The following SSPN variants were observed in gnomAD, a reference collection of about 807,000 sequenced individuals.
The protein encoded by SSPN is sarcospan.
A neutral mutation model predicts 19.1 loss-of-function variants in SSPN; 15 were observed. The ratio of observed to expected loss-of-function variants is 0.78; its 90% CI spans 0.52 to 1.21. The LOEUF (loss-of-function observed/expected upper bound fraction) is 1.21, where lower values mean the gene tolerates loss of function less well. SSPN is among the 50% of genes most tolerant of loss of function. The probability of loss-of-function intolerance (pLI) is 0.00; values close to 1 mark genes in which losing one functional copy is unlikely to be tolerated. For synonymous variants in SSPN, 147 were observed against 140.3 expected (o/e 1.05, Z -0.34); for missense variants, 291 against 314.0 (o/e 0.93, Z 0.55).
chr12:26,231,228 C>G lies in SSPN; in HGVS notation c.*152C>G, dbSNP rs1945229602. On this transcript the variant is annotated 3_prime_UTR_variant, in exon 3 of 3. Coordinates refer to ENST00000242729, the MANE Select transcript of SSPN (RefSeq NM_005086.5). ...TTTATATTTTTATGAAACAAAAGAG[C>G]ATTTCTTCAGGTTTCTATTGTATTT... The G allele has an allele frequency of 2.6e-6, 3 of 1,157,112 alleles. No individual in the cohort carries two copies. Among genetic ancestry groups the G allele is most frequent in the African/African-American group, 1.6e-5 (1 of 64,094 alleles). 71.7% of individuals were successfully genotyped at this position (1,157,112 alleles called of 1,614,324 possible).
chr12:26,193,721 CT>C (rs1277624899), upstream of SSPN, among the ~76,000 whole-genome samples: 3 of 152,154 alleles, frequency 2.0e-5, no homozygotes, highest in Non-Finnish European at 4.4e-5. Context: ...CTCAGCCACT[CT>C]GTTTTTCTGG....
chr12:26,161,601 A>C (rs529748467), intron 1 of SSPN, among the ~76,000 whole-genome samples: 62 of 152,236 alleles, frequency 4.1e-4, no homozygotes, highest in African/African-American at 1.2e-3. Context: ...TATTGTTAGC[A>C]TCCCCAAATT....
At chr12:26,159,393 T>C (rs1454086003) in intron 1 of SSPN, among the ~76,000 whole-genome samples, 2 of 152,208 alleles carry the variant, frequency 1.3e-5, no homozygotes, top group African/African-American at 4.8e-5. Context: ...CTAGGCAGCA[T>C]GACCAGACTA....
chr12:26,232,158 G>A lies in SSPN; in HGVS notation c.*1082G>A, dbSNP rs1591901495. Reference sequence around the variant, plus strand: ...ACCAATCTATGTTTGAGGAAGATTGGGTAATGCTGATGTGTTCCATTCATG... The same window carrying A: ...ACCAATCTATGTTTGAGGAAGATTGAGTAATGCTGATGTGTTCCATTCATG... On this transcript the variant is annotated 3_prime_UTR_variant, in exon 3 of 3. Coordinates refer to ENST00000242729, the MANE Select transcript of SSPN (RefSeq NM_005086.5). 1.0e-6 allele frequency: 1 copy of A among 985,402 alleles called. No individual in the cohort carries two copies. Among genetic ancestry groups the A allele is most frequent in the South Asian group, 4.7e-5 (1 of 21,284 alleles). The allele number at this position is 985,402 out of a possible 1,614,324, so 61.0% of individuals were successfully genotyped here. A position where few individuals can be genotyped will look rare whatever the true frequency, so the allele number is the denominator to read the frequency against.
intron 1 of SSPN, among the ~76,000 whole-genome samples, chr12:26,220,038 A>G (rs1353817039): frequency 1.3e-5 from 2 of 152,136 alleles, no homozygotes; most frequent in Non-Finnish European, 2.9e-5. Context: ...CTGGGAAGCC[A>G]GAATGCCGTG....
At chr12:26,149,280 C>T (rs1944511012) in intron 1 of SSPN, among the ~76,000 whole-genome samples, 1 of 152,148 alleles carries the variant, frequency 6.6e-6, no homozygotes. Flanking sequence ...TATTTGTATA[C>T]ATCTACCTTG....
At chr12:26,224,708 C>A (rs1945159524) in intron 2 of SSPN, among the ~76,000 whole-genome samples, 1 of 151,876 alleles carries the variant, frequency 6.6e-6, no homozygotes, top group South Asian at 2.1e-4. Context: ...ACTTCCATAT[C>A]TCGGGGGTTA....
At chr12:26,178,032 G>A (rs1944695446) in intron 1 of SSPN, among the ~76,000 whole-genome samples, 1 of 152,220 alleles carries the variant, frequency 6.6e-6, no homozygotes, top group African/African-American at 2.4e-5. Flanking sequence ...GTATTCACCA[G>A]CTACCCAATT....
At chr12:26,143,714 T>A (rs1288520019) in intron 1 of SSPN, among the ~76,000 whole-genome samples, 2 of 152,212 alleles carry the variant, frequency 1.3e-5, no homozygotes, top group African/African-American at 4.8e-5. Flanking sequence ...AACAAATAGT[T>A]ACATTTTTGT....
intron 1 of SSPN, among the ~76,000 whole-genome samples, chr12:26,203,838 T>C (rs550359983): frequency 1.3e-5 from 2 of 152,314 alleles, no homozygotes; most frequent in Admixed American, 6.5e-5. Flanking sequence ...TCTTCCTGGC[T>C]TGCAGGCGGC....
rs1436637942 is a variant in SSPN, at chr12:26,151,262, C to A, written c.-31+29110C>A. On this transcript the variant is annotated intron_variant, in intron 1 of 2. Coordinates refer to the SSPN transcript ENST00000538142. Reference sequence around the variant, plus strand: ...TTGTTAAAATACCCAGGCAAAACCACCAAACATTGCTAAATCCTTTTGGAG... The same window carrying A: ...TTGTTAAAATACCCAGGCAAAACCAACAAACATTGCTAAATCCTTTTGGAG... Among the ~76,000 whole-genome samples the A allele has an allele frequency of 3.9e-5, 6 of 152,054 alleles. 1 individual carries two copies. Among genetic ancestry groups the A allele is most frequent in the Non-Finnish European group, 8.8e-5 (6 of 68,020 alleles).
At chr12:26,122,786 G>T in intron 1 of SSPN, 6 of 1,588,422 alleles carry the variant, frequency 3.8e-6, no homozygotes, top group Non-Finnish European at 4.3e-6. Context: ...CGGCTTCGCC[G>T]CCGTAGCCGC....
intron 1 of SSPN, chr12:26,125,092 G>A (rs892116416): frequency 2.3e-6 from 1 of 435,280 alleles, no homozygotes; most frequent in Admixed American, 3.5e-5. Context: ...CGTGCGGAAC[G>A]TACCATCCGC....
At chr12:26,172,129 A>G (rs1944656884) in intron 1 of SSPN, among the ~76,000 whole-genome samples, 1 of 152,180 alleles carries the variant, frequency 6.6e-6, no homozygotes, top group Non-Finnish European at 1.5e-5. Context: ...TCAGGCTGGT[A>G]TTGAACTCCT....
At chr12:26,123,667 G>T (rs539801347) in intron 1 of SSPN, 1 of 1,613,974 alleles carries the variant, frequency 6.2e-7, no homozygotes, top group African/African-American at 1.3e-5. Flanking sequence ...GCTGTTGCTC[G>T]GTTAAGGCGG....
chr12:26,189,886 C>G (rs1037579894), intron 1 of SSPN, among the ~76,000 whole-genome samples: 4 of 152,118 alleles, frequency 2.6e-5, no homozygotes, highest in African/African-American at 7.2e-5. Flanking sequence ...ACTTTTGGAA[C>G]TTTTATATGG....
chr12:26,216,878 T>G (rs1945057729), intron 1 of SSPN, among the ~76,000 whole-genome samples: 1 of 82,384 alleles, frequency 1.2e-5, no homozygotes. Flanking sequence ...AAAGATCAGA[T>G]AGTTGTAGAT....
At chr12:26,128,704 G>A (rs1944380643) in intron 1 of SSPN, among the ~76,000 whole-genome samples, 1 of 152,192 alleles carries the variant, frequency 6.6e-6, no homozygotes, top group Admixed American at 6.5e-5. Flanking sequence ...AAGCCAAGAA[G>A]ATACAAGATG....
intron 1 of SSPN, among the ~76,000 whole-genome samples, chr12:26,174,078 C>T (rs1944668683): frequency 6.6e-6 from 1 of 152,078 alleles, no homozygotes; most frequent in African/African-American, 2.4e-5. Flanking sequence ...AGGAAATGGC[C>T]AGGGTTTCGT....
Sources: allele counts gnomAD v4.1 joint callset (sites outside exome capture counted in the v4.1 genomes callset), GRCh38; gene constraint gnomAD v4.1.1; transcripts MANE v1.5; gene names NCBI Gene and HGNC (gene_info 2026-07-23, HGNC 2026-07-21).